Variants in OVCH2 observed in about 807,000 individuals in gnomAD.
OVCH2 encodes the protein ovochymase-2.
A neutral mutation model predicts 73.7 loss-of-function variants in OVCH2; 88 were observed. That is an observed-to-expected ratio of 1.19 (90% CI 1.01 to 1.43). The LOEUF (loss-of-function observed/expected upper bound fraction) is 1.43. Among genes scored for constraint, OVCH2 ranks in the 40% most tolerant of loss-of-function variants. The probability of loss-of-function intolerance (pLI) is 0.00; values close to 1 mark genes in which losing one functional copy is unlikely to be tolerated. For missense variants in OVCH2, 706 were observed against 674.5 expected (o/e 1.05, Z -0.52); for synonymous variants, 265 against 234.5 (o/e 1.13, Z -1.19).
At chr11:7,690,245 T>C (rs1856196021) in intron 14 of OVCH2, among the ~76,000 whole-genome samples, 1 of 152,164 alleles carries the variant, frequency 6.6e-6, no homozygotes, top group African/African-American at 2.4e-5. Context: ...GATAATTGGC[T>C]TTGTGGGGTT....
chr11:7,690,730 G>C (rs10769817), intron 14 of OVCH2, among the ~76,000 whole-genome samples: 106,175 of 151,898 alleles, frequency 0.7, 37,974 homozygotes, highest in Non-Finnish European at 0.77. Flanking sequence ...TGCTTCAGCC[G>C]TCATCCTATA....
Position 7,696,804 on chromosome 11 carries a change from GA to G in OVCH2, c.926-6del, listed in dbSNP as rs560769743. The G allele has an allele frequency of 1.8e-5, 29 of 1,604,080 alleles. No individual in the cohort carries two copies. The South Asian group carries it at 3.0e-4, about 17-fold the overall frequency. On this transcript the variant is annotated splice_region_variant and splice_polypyrimidine_tract_variant and intron_variant, in intron 8 of 15. Transcript: ENST00000533663. ...CATCCTGCTCACTGCACCAGGCTGGGAGGGAAAGCCAGGAGAGTCAGGGTTA... is the reference window on the plus strand; with the variant it reads ...CATCCTGCTCACTGCACCAGGCTGGGGGGAAAGCCAGGAGAGTCAGGGTTA...
At chr11:7,695,842 T>G in intron 10 of OVCH2, 132 bp from the exon 11 acceptor site, 1 of 1,232,150 alleles carries the variant, frequency 8.1e-7, no homozygotes, top group Non-Finnish European at 1.1e-6. Flanking sequence ...CTTGTCACAA[T>G]TGACATTTTG....
At position 7,691,932 on chromosome 11, in the gene OVCH2, G is replaced by A; in HGVS notation, c.1477C>T (p.His493Tyr). ...TCCTTCTTCCTTTCTACATCGCTGT[G>A]CACTGTCACATAGTCGGAAGTGCAG... Reference protein sequence around the residue: ...GDCTSDYVTVHSDVERKKEIA... With the variant: ...GDCTSDYVTVYSDVERKKEIA... Residue 493 changes from histidine (H) to tyrosine (Y), a missense_variant, in exon 13 of 16, where the codon CAC (histidine) becomes TAC (tyrosine). Physicochemically the swap from His to Tyr is moderately conservative, Grantham distance 83 (BLOSUM62 2). Transcript: ENST00000533663. The A allele has an allele frequency of 6.3e-7, 1 of 1,576,008 alleles. No individual in the cohort carries two copies. Among genetic ancestry groups the A allele is most frequent in the Non-Finnish European group, 8.6e-7 (1 of 1,159,118 alleles).
chr11:7,701,985 T>G (rs771746769), intron 4 of OVCH2, among the ~76,000 whole-genome samples, 172 bp downstream of exon 4: 27 of 152,190 alleles, frequency 1.8e-4, no homozygotes, highest in Non-Finnish European at 5.9e-5. Context: ...CCTGACTCCA[T>G]GTAATGCTAT....
At chr11:7,680,685 G>T in the OVCH2 span, among the ~76,000 whole-genome samples, 1 of 152,218 alleles carries the variant, frequency 6.6e-6, no homozygotes, top group Non-Finnish European at 1.5e-5. Context: ...AATCAGCCCT[G>T]TTGACACATT....
intron 1 of OVCH2, 71 bp downstream of exon 1, chr11:7,706,236 C>A: frequency 1.4e-6 from 2 of 1,397,838 alleles, no homozygotes; most frequent in African/African-American, 2.9e-5. Context: ...AACATGGAGT[C>A]TCGGAGTTGT....
intron 1 of OVCH2, 69 bp downstream of exon 1, chr11:7,706,238 C>G: frequency 7.1e-7 from 1 of 1,405,252 alleles, no homozygotes; most frequent in Non-Finnish European, 9.7e-7. Flanking sequence ...CATGGAGTCT[C>G]GGAGTTGTGA....
intron 7 of OVCH2, chr11:7,699,096 G>T: frequency 4.6e-6 from 1 of 216,432 alleles, no homozygotes; most frequent in Non-Finnish European, 9.1e-6. Context: ...AGAGTTGCTG[G>T]GTTAAATAGG....
At chr11:7,696,954 CT>C (rs1054117793) in intron 8 of OVCH2, 155 bp from the exon 9 acceptor site, 80 of 668,700 alleles carry the variant, frequency 1.2e-4, no homozygotes, top group Non-Finnish European at 3.8e-5. Flanking sequence ...TCTATGATGC[CT>C]TTTTGGTTCC....
chr11:7,680,323 G>A, the OVCH2 span, among the ~76,000 whole-genome samples: 2 of 152,184 alleles, frequency 1.3e-5, no homozygotes, highest in Non-Finnish European at 2.9e-5. Flanking sequence ...CACCTGGTGC[G>A]TGGGGAAAAA....
chr11:7,698,659 CT>C, intron 8 of OVCH2, 90 bp downstream of exon 8: 1 of 1,402,618 alleles, frequency 7.1e-7, no homozygotes, highest in Non-Finnish European at 9.9e-7. Flanking sequence ...GCAGGGAGCG[CT>C]CTTGGAGAGG....
downstream of OVCH2, among the ~76,000 whole-genome samples, chr11:7,685,312 T>C (rs114570161): frequency 3.3e-3 from 500 of 152,280 alleles, 3 homozygotes; most frequent in African/African-American, 0.011. Context: ...CCATGAGGGC[T>C]ACAGGACATT....
At chr11:7,701,611 T>C in intron 5 of OVCH2, 105 bp downstream of exon 5, 1 of 1,465,124 alleles carries the variant, frequency 6.8e-7, no homozygotes, top group South Asian at 1.3e-5. Flanking sequence ...TCTTTAGAAA[T>C]GTATGCACAA....
At chr11:7,678,752 A>G in the OVCH2 span, among the ~76,000 whole-genome samples, 1 of 152,228 alleles carries the variant, frequency 6.6e-6, no homozygotes, top group Non-Finnish European at 1.5e-5. Flanking sequence ...ACATGGACAT[A>G]AAGATGGGAG....
rs756223112 is a variant in OVCH2 at position 7,700,463 on chromosome 11, A to T, written c.734T>A (p.Met245Lys). The change falls in exon 7 of 16, where the codon ATG becomes AAG. Residue 245 changes from methionine (M) to lysine (K), a missense_variant. Transcript: ENST00000533663. ...ACQGDSGGSL[M>K]CRNKKGAWTL... ...CCAGGCCCCTTTCTTATTCCGGCAC[A>T]TGAGTGAACCTCCTGAATCTCCCTG... The T allele has an allele frequency of 6.2e-7, 1 of 1,608,140 alleles. No homozygotes were observed. Among genetic ancestry groups the T allele is most frequent in the Admixed American group, 1.7e-5 (1 of 59,084 alleles).
Position 7,696,455 on chromosome 11 carries a change from A to G in OVCH2, c.1141+10T>C. On this transcript the variant is annotated intron_variant, in intron 10 of 15. Coordinates refer to ENST00000533663, the MANE Select transcript of OVCH2 (RefSeq NM_198185.7). ...CTGGTTTCCATTTGACACTGTGAAA[A>G]TCCACTCACCAATGGGTCTGTCTTC... The G allele has an allele frequency of 6.2e-7, 1 of 1,613,908 alleles. No individual in the cohort carries two copies. Among genetic ancestry groups the G allele is most frequent in the Non-Finnish European group, 8.5e-7 (1 of 1,179,844 alleles).
chr11:7,694,355 GTGA>G (rs946712047), intron 12 of OVCH2, among the ~76,000 whole-genome samples: 34 of 152,146 alleles, frequency 2.2e-4, no homozygotes, highest in African/African-American at 7.7e-4. Flanking sequence ...CCTCCATACA[GTGA>G]CTTCCACCTT....
At chr11:7,700,515 C>G in intron 6 of OVCH2, 30 bp from the exon 7 acceptor site, 1 of 1,570,364 alleles carries the variant, frequency 6.4e-7, no homozygotes, top group Non-Finnish European at 8.6e-7. Context: ...CTATTAGCAT[C>G]ACTGTCAGTG....
Sources: allele counts gnomAD v4.1 joint callset (sites outside exome capture counted in the v4.1 genomes callset), GRCh38; gene constraint gnomAD v4.1.1; transcripts MANE v1.5; gene names NCBI Gene and HGNC (gene_info 2026-07-23, HGNC 2026-07-21).